Variants in ITGA8 observed in about 807,000 individuals in gnomAD.
ITGA8 encodes integrin alpha-8.
ITGA8 carries 91 observed loss-of-function variants against 142.3 expected under a neutral mutation model. That is an observed-to-expected ratio of 0.64 (90% confidence interval 0.54 to 0.76). The LOEUF (loss-of-function observed/expected upper bound fraction) is 0.76, where lower values mean the gene tolerates loss of function less well. Ranked by LOEUF, ITGA8 falls within the 30% of genes least tolerant of loss-of-function variation. ITGA8 has a pLI of 0.00. For missense variants in ITGA8, 1,406 were observed against 1,327.7 expected (o/e 1.06, Z -0.92); for synonymous variants, 505 against 485.2 (o/e 1.04, Z -0.54).
intron 11 of ITGA8, among the ~76,000 whole-genome samples, chr10:15,648,942 G>A (rs1198015036): frequency 6.6e-6 from 1 of 152,156 alleles, no homozygotes; most frequent in African/African-American, 2.4e-5. Flanking sequence ...CATGGCAGAT[G>A]GGGAAAAATA....
At chr10:15,519,117 C>T (rs910865788) in intron 29 of ITGA8, among the ~76,000 whole-genome samples, 173 bp downstream of exon 29, 8 of 152,156 alleles carry the variant, frequency 5.3e-5, no homozygotes, top group African/African-American at 1.9e-4. Context: ...GCTATATAAA[C>T]ATATTAAGTA....
intron 10 of ITGA8, 69 bp from the exon 11 acceptor site, chr10:15,655,475 T>C (rs1588701803): frequency 2.0e-6 from 2 of 1,017,792 alleles, no homozygotes; most frequent in East Asian, 2.4e-5. Context: ...GTCTCTATTA[T>C]TCCTGAAAGA....
chr10:15,646,783 C>T, intron 12 of ITGA8, 63 bp downstream of exon 12: 1 of 1,230,508 alleles, frequency 8.1e-7, no homozygotes, highest in Non-Finnish European at 1.2e-6. Flanking sequence ...TTAAAACAGG[C>T]ATGGTCTCCT....
chr10:15,527,048 C>A (rs922171588), intron 28 of ITGA8, among the ~76,000 whole-genome samples: 1 of 152,118 alleles, frequency 6.6e-6, no homozygotes, highest in Non-Finnish European at 1.5e-5. Context: ...ATCACAAAAT[C>A]TTGTGTAAAC....
intron 20 of ITGA8, among the ~76,000 whole-genome samples, chr10:15,602,031 A>G (rs1207030899): frequency 6.6e-6 from 1 of 152,232 alleles, no homozygotes; most frequent in Non-Finnish European, 1.5e-5. Flanking sequence ...TTTACAGCCA[A>G]AGATAGACTC....
chr10:15,633,776 C>T (rs182473913), intron 13 of ITGA8, among the ~76,000 whole-genome samples: 206 of 152,342 alleles, frequency 1.4e-3, no homozygotes, highest in African/African-American at 4.7e-3. Context: ...CTGTGGATCC[C>T]TTTTCCCCCC....
At chr10:15,690,471 G>A (rs531244821) in intron 2 of ITGA8, among the ~76,000 whole-genome samples, 1 of 152,238 alleles carries the variant, frequency 6.6e-6, no homozygotes, top group South Asian at 2.1e-4. Context: ...ACAGCCCTTG[G>A]CTTGGTGGGA....
At chr10:15,615,515 T>C (rs759478579) in intron 14 of ITGA8, among the ~76,000 whole-genome samples, 13 of 152,176 alleles carry the variant, frequency 8.5e-5, no homozygotes, top group Non-Finnish European at 1.5e-4. Flanking sequence ...TATGACCTTT[T>C]ATGTTTGTTT....
chr10:15,676,605 T>C (rs961291543), intron 6 of ITGA8, among the ~76,000 whole-genome samples: 2 of 152,216 alleles, frequency 1.3e-5, no homozygotes, highest in Non-Finnish European at 2.9e-5. Flanking sequence ...TGTCTGTTTT[T>C]ACTCATTAAT....
chr10:15,649,287 A>G (rs1834043002), intron 11 of ITGA8, among the ~76,000 whole-genome samples: 1 of 151,964 alleles, frequency 6.6e-6, no homozygotes, highest in South Asian at 2.1e-4. Flanking sequence ...ATATATTGTT[A>G]CAATCAATAT....
chr10:15,649,853 A>C (rs1361519589), intron 11 of ITGA8, among the ~76,000 whole-genome samples: 1 of 152,178 alleles, frequency 6.6e-6, no homozygotes, highest in Non-Finnish European at 1.5e-5. Context: ...GGGAATACAA[A>C]ATGATACAGC....
chr10:15,520,787 T>G (rs376861547), intron 28 of ITGA8, among the ~76,000 whole-genome samples: 1 of 152,270 alleles, frequency 6.6e-6, no homozygotes, highest in East Asian at 1.9e-4. Context: ...TGGTCTAAGG[T>G]CTCCTAGTTT....
At chr10:15,685,854 A>G (rs139249421) in intron 3 of ITGA8, among the ~76,000 whole-genome samples, 23 of 152,260 alleles carry the variant, frequency 1.5e-4, no homozygotes, top group African/African-American at 5.3e-4. Flanking sequence ...GATTCTCACA[A>G]GAGCACTGTA....
chr10:15,700,527 G>T (rs1372930533), intron 2 of ITGA8, among the ~76,000 whole-genome samples: 2 of 152,064 alleles, frequency 1.3e-5, no homozygotes, highest in Admixed American at 6.6e-5. Flanking sequence ...ATAAGATGTC[G>T]CATGCAGTAA....
chr10:15,676,094 A>G (rs1287047957), intron 6 of ITGA8, among the ~76,000 whole-genome samples: 1 of 151,962 alleles, frequency 6.6e-6, no homozygotes, highest in Non-Finnish European at 1.5e-5. Flanking sequence ...ATACCACCCA[A>G]GCTCTTCTTC....
intron 10 of ITGA8, among the ~76,000 whole-genome samples, chr10:15,658,632 C>T (rs1407871339): frequency 6.6e-6 from 1 of 152,196 alleles, no homozygotes. Flanking sequence ...TCAGCCCAGA[C>T]ATTGGCACCT....
intron 15 of ITGA8, among the ~76,000 whole-genome samples, chr10:15,612,178 A>T (rs557529991): frequency 6.6e-6 from 1 of 152,296 alleles, no homozygotes; most frequent in East Asian, 1.9e-4. Context: ...AAGAGCAGTT[A>T]AAGAAGAGGA....
chr10:15,678,228 T>A (rs963115330), intron 5 of ITGA8, among the ~76,000 whole-genome samples: 29 of 152,184 alleles, frequency 1.9e-4, no homozygotes, highest in African/African-American at 7.0e-4. Context: ...AAACAGTTTA[T>A]ACGTTGATGA....
chr10:15,591,780 G>A (rs114656315), intron 22 of ITGA8, among the ~76,000 whole-genome samples: 2,200 of 152,266 alleles, frequency 0.014, 56 homozygotes, highest in African/African-American at 0.05. Context: ...GCCACAGTGC[G>A]CATAGGTAAG....
Sources: allele counts gnomAD v4.1 joint callset (sites outside exome capture counted in the v4.1 genomes callset), GRCh38; gene constraint gnomAD v4.1.1; transcripts MANE v1.5; gene names NCBI Gene and HGNC (gene_info 2026-07-23, HGNC 2026-07-21).